Variants in IL1R1 observed in about 807,000 individuals in gnomAD.
IL1R1 encodes interleukin-1 receptor type 1.
IL1R1 carries 22 observed loss-of-function variants against 50.2 expected under a neutral mutation model. The observed-to-expected ratio is 0.44, with a 90% confidence interval of 0.31 to 0.63. The LOEUF (loss-of-function observed/expected upper bound fraction) is 0.63. Ranked by LOEUF, IL1R1 falls within the 20% of genes least tolerant of loss-of-function variation. The pLI, the probability that IL1R1 is intolerant of heterozygous loss-of-function variation, is 0.07. For missense variants in IL1R1, 509 were observed against 676.2 expected (o/e 0.75, Z 2.74); for synonymous variants, 251 against 236.7 (o/e 1.06, Z -0.55).
chr2:102,142,621 C>A (rs769638311), upstream of IL1R1, among the ~76,000 whole-genome samples: 1 of 151,862 alleles, frequency 6.6e-6, no homozygotes, highest in African/African-American at 2.4e-5. Context: ...CGCGCCTGCT[C>A]CTCCGGGTGG....
chr2:102,072,668 T>A (rs1678783513), intron 1 of IL1R1, among the ~76,000 whole-genome samples: 1 of 152,236 alleles, frequency 6.6e-6, no homozygotes, highest in Non-Finnish European at 1.5e-5. Flanking sequence ...TCTCTTGGAT[T>A]TGTGAGAATT....
chr2:102,171,233 A>G (rs558613909), intron 7 of IL1R1, among the ~76,000 whole-genome samples: 35 of 152,244 alleles, frequency 2.3e-4, no homozygotes, highest in Admixed American at 3.9e-4. Flanking sequence ...AACCAAAAAC[A>G]CTTGTTATCT....
chr2:102,122,967 G>T (rs1681481769), intron 1 of IL1R1, among the ~76,000 whole-genome samples: 1 of 152,174 alleles, frequency 6.6e-6, no homozygotes, highest in Non-Finnish European at 1.5e-5. Flanking sequence ...CATGGCCAAG[G>T]TGTCTTTTAG....
chr2:102,118,670 C>T (rs370309152), intron 1 of IL1R1, among the ~76,000 whole-genome samples: 1 of 152,198 alleles, frequency 6.6e-6, no homozygotes, highest in South Asian at 2.1e-4. Flanking sequence ...CAGAGTATTC[C>T]TTGACATCGC....
Position 102,106,855 on chromosome 2 carries a change from G to A in IL1R1, c.-84+1983G>A, listed in dbSNP as rs187212617. Among the ~76,000 whole-genome samples, 417 of 152,218 alleles carry A rather than the reference G, an allele frequency of 2.7e-3. 1 individual carries two copies. The highest frequency in any genetic ancestry group is 9.4e-3 in the African/African-American group (392 of 41,526). ...CATAGATAGTTTATTAAATCCTGTT[G>A]GCAGGTAGTTGATTGTTTTTCTCTT... On this transcript the variant is annotated intron_variant, in intron 1 of 10. Transcript: ENST00000409329.
intron 6 of IL1R1, 28 bp from the exon 7 acceptor site, chr2:102,168,570 A>G (rs1235364941): frequency 2.5e-6 from 4 of 1,593,060 alleles, no homozygotes; most frequent in Non-Finnish European, 3.4e-6. Context: ...TAAGAGACTG[A>G]CAAACCTTAT....
At chr2:102,081,740 C>G (rs1431076830) in intron 1 of IL1R1, among the ~76,000 whole-genome samples, 1 of 152,196 alleles carries the variant, frequency 6.6e-6, no homozygotes, top group Admixed American at 6.5e-5. Context: ...GCAGGCTACA[C>G]TGGAAGTCCT....
At chr2:102,151,311 T>C (rs1287576543) in intron 1 of IL1R1, among the ~76,000 whole-genome samples, 1 of 152,084 alleles carries the variant, frequency 6.6e-6, no homozygotes, top group East Asian at 1.9e-4. Context: ...ACGGTTCCCT[T>C]GCAATCCTAT....
upstream of IL1R1, chr2:102,141,903 C>T (rs572097627): frequency 1.3e-5 from 2 of 152,410 alleles, no homozygotes; most frequent in East Asian, 1.9e-4. Flanking sequence ...CCTCCTCTCC[C>T]TGCAAGGAGC....
intron 7 of IL1R1, 73 bp downstream of exon 7, chr2:102,168,736 A>G (rs1685418169): frequency 6.9e-6 from 7 of 1,013,454 alleles, no homozygotes; most frequent in South Asian, 1.4e-5. Context: ...GATAAATTGT[A>G]TCTTTACTAT....
chr2:102,083,529 T>C (rs1679307922), intron 1 of IL1R1, among the ~76,000 whole-genome samples: 1 of 152,202 alleles, frequency 6.6e-6, no homozygotes, highest in Admixed American at 6.5e-5. Context: ...ATACGGGCTC[T>C]TCCATCCTTG....
intron 1 of IL1R1, among the ~76,000 whole-genome samples, chr2:102,116,934 GT>G (rs1411114080): frequency 6.6e-6 from 1 of 152,100 alleles, no homozygotes; most frequent in Non-Finnish European, 1.5e-5. Context: ...TTATTCCATT[GT>G]GACGTGTTTG....
intron 1 of IL1R1, among the ~76,000 whole-genome samples, chr2:102,078,566 A>ACACACC (rs1679075153): frequency 8.4e-6 from 1 of 118,346 alleles, no homozygotes; most frequent in Admixed American, 7.8e-5. Context: ...AAAACTTCAC[A>ACACACC]CACACACACA....
chr2:102,081,716 G>GA (rs1296822699), intron 1 of IL1R1, among the ~76,000 whole-genome samples: 3 of 152,192 alleles, frequency 2.0e-5, no homozygotes, highest in African/African-American at 7.2e-5. Context: ...GAATATCAGA[G>GA]AAACACATGT....
intron 7 of IL1R1, among the ~76,000 whole-genome samples, chr2:102,171,096 G>T (rs1203117577): frequency 1.3e-5 from 2 of 152,120 alleles, no homozygotes; most frequent in Non-Finnish European, 2.9e-5. Context: ...TGGATAGAGG[G>T]ATAACAGTTT....
At chr2:102,096,414 A>G (rs970718187) in intron 1 of IL1R1, among the ~76,000 whole-genome samples, 21 of 152,130 alleles carry the variant, frequency 1.4e-4, no homozygotes, top group African/African-American at 4.3e-4. Context: ...TTGTTTGCCT[A>G]CCTCGGAAAT....
intron 1 of IL1R1, among the ~76,000 whole-genome samples, chr2:102,128,657 A>G (rs533258683): frequency 6.6e-6 from 1 of 152,328 alleles, no homozygotes; most frequent in East Asian, 1.9e-4. Context: ...TCCATTGCCT[A>G]TGCTAGTAAC....
At chr2:102,126,331 C>T (rs1681706692) in intron 1 of IL1R1, among the ~76,000 whole-genome samples, 1 of 152,158 alleles carries the variant, frequency 6.6e-6, no homozygotes, top group Admixed American at 6.5e-5. Context: ...ACAGCTTGTG[C>T]CTCGCTGGAG....
chr2:102,167,549 G>A (rs1373515325), intron 6 of IL1R1, among the ~76,000 whole-genome samples: 4 of 144,672 alleles, frequency 2.8e-5, no homozygotes, highest in Non-Finnish European at 6.0e-5. Flanking sequence ...CCGGGTTCAT[G>A]CCATTCTTCT....
Sources: allele counts gnomAD v4.1 joint callset (sites outside exome capture counted in the v4.1 genomes callset), GRCh38; gene constraint gnomAD v4.1.1; transcripts MANE v1.5; gene names NCBI Gene and HGNC (gene_info 2026-07-23, HGNC 2026-07-21).